Variants in KDM4B observed in about 807,000 individuals in gnomAD.
The protein encoded by KDM4B is lysine demethylase 4B, also known as lysine-specific demethylase 4B.
Under a neutral mutation model 125.2 loss-of-function variants are expected in KDM4B, and 32 were observed. The observed-to-expected ratio is 0.26, with a 90% CI of 0.19 to 0.34. The LOEUF (loss-of-function observed/expected upper bound fraction) is 0.34. KDM4B is among the 10% of genes least tolerant of loss of function. The probability of loss-of-function intolerance (pLI) is 1.00; values close to 1 mark genes in which losing one functional copy is unlikely to be tolerated. For synonymous variants in KDM4B, 721 were observed against 677.9 expected, an observed-to-expected ratio of 1.06 and a Z score of -0.99; for missense variants, 1,190 against 1,577.7, an observed-to-expected ratio of 0.75 and a Z score of 4.16.
intron 9 of KDM4B, among the ~76,000 whole-genome samples, chr19:5,083,991 A>G (rs2038387933): frequency 6.6e-6 from 1 of 152,174 alleles, no homozygotes; most frequent in Non-Finnish European, 1.5e-5. Context: ...TTATGCCTGT[A>G]ATCCTAGCAC....
chr19:5,025,291 C>T (rs1024548627), intron 2 of KDM4B, among the ~76,000 whole-genome samples: 1 of 152,258 alleles, frequency 6.6e-6, no homozygotes, highest in Non-Finnish European at 1.5e-5. Context: ...CCTGGTCTCC[C>T]AGCTTCCTCT....
At position 5,081,753 on chromosome 19, in the gene KDM4B, T is replaced by C. The variant is rs1599575977; in HGVS notation, c.781-614T>C. ...CCCTTGTTGAGATACAATTGAAAGA[T>C]GGCTTGGGATGGCGGCGTGTCGCAG... On this transcript the variant is annotated intron_variant, in intron 8 of 22. Transcript: ENST00000159111. This position sits in a 1 kb window ranked among gnomAD's most constrained non-coding sequence, Gnocchi z 4.2. Among the ~76,000 whole-genome samples, 1 of 152,192 alleles carries C rather than the reference T, an allele frequency of 6.6e-6. No homozygotes were observed. Among genetic ancestry groups the C allele is most frequent in the Non-Finnish European group, 1.5e-5 (1 of 68,020 alleles).
Position 5,082,266 on chromosome 19 carries a change from C to A in KDM4B, c.781-101C>A. On this transcript the variant is annotated intron_variant, in intron 8 of 22. Coordinates refer to ENST00000159111, the MANE Select transcript of KDM4B (RefSeq NM_015015.3). The surrounding 1 kb of genome is among the most constrained non-coding windows in gnomAD (Gnocchi z 5.4). ...TTGACTTTGTGAAACCCCCTTGGCT[C>A]ATAAGCCAGGCTCCCTGGCACTTGC... 1 of 1,445,664 alleles carries A rather than the reference C, an allele frequency of 6.9e-7. No individual in the cohort carries two copies. The highest frequency in any genetic ancestry group is 9.5e-7 in the Non-Finnish European group (1 of 1,056,242). The allele number at this position is 1,445,664 out of a possible 1,614,324, so 89.6% of individuals were successfully genotyped here.
chr19:5,058,543 G>A (rs1599525638), intron 6 of KDM4B, among the ~76,000 whole-genome samples: 1 of 152,198 alleles, frequency 6.6e-6, no homozygotes, highest in South Asian at 2.1e-4. Flanking sequence ...TGGAGTGGCT[G>A]TAGGAGCAGG....
intron 6 of KDM4B, among the ~76,000 whole-genome samples, chr19:5,053,934 T>A (rs979868428): frequency 1.3e-5 from 2 of 152,234 alleles, no homozygotes; most frequent in Non-Finnish European, 2.9e-5. Context: ...CTTCCCTGTT[T>A]GAGGAGCGTG....
At chr19:5,072,666 T>C (rs1215323069) in intron 7 of KDM4B, among the ~76,000 whole-genome samples, 1 of 152,232 alleles carries the variant, frequency 6.6e-6, no homozygotes, top group Non-Finnish European at 1.5e-5. Context: ...ATTCCCCATG[T>C]TGTATTAGCA....
chr19:5,147,335 C>G (rs1280865317), intron 21 of KDM4B, among the ~76,000 whole-genome samples: 2 of 152,228 alleles, frequency 1.3e-5, no homozygotes, highest in Non-Finnish European at 2.9e-5. Flanking sequence ...GACGCAGCCC[C>G]CACCCTGGTG....
At chr19:4,978,183 A>G (rs2034514688) in intron 1 of KDM4B, among the ~76,000 whole-genome samples, 1 of 152,064 alleles carries the variant, frequency 6.6e-6, no homozygotes, top group African/African-American at 2.4e-5. Flanking sequence ...GACGAGGCGG[A>G]GGAAGTCGTT....
intron 2 of KDM4B, among the ~76,000 whole-genome samples, chr19:5,017,500 T>G (rs994041352): frequency 3.3e-5 from 5 of 152,136 alleles, no homozygotes; most frequent in Non-Finnish European, 4.4e-5. Flanking sequence ...ACCATGCGCC[T>G]CCTCTTGTCC....
Position 5,081,919 on chromosome 19 carries a change from C to T in KDM4B, c.781-448C>T, listed in dbSNP as rs2038308481. Among the ~76,000 whole-genome samples the T allele has an allele frequency of 1.3e-5, 2 of 152,226 alleles. No individual in the cohort carries two copies. The highest frequency in any genetic ancestry group is 4.8e-5 in the African/African-American group (2 of 41,456). On this transcript the variant is annotated intron_variant, in intron 8 of 22. Transcript: ENST00000159111. The surrounding 1 kb of genome is among the most constrained non-coding windows in gnomAD (Gnocchi z 4.2). ...GCACCACCCGCCCCGAAACCAGCCC[C>T]AGCTGCTTCAGGACATGTCACAGTG...
At chr19:5,073,079 G>C (rs1198393501) in intron 7 of KDM4B, among the ~76,000 whole-genome samples, 2 of 152,174 alleles carry the variant, frequency 1.3e-5, no homozygotes, top group Admixed American at 6.5e-5. Context: ...GGATAGCCAG[G>C]GTGCTCCCCC....
rs1414724732 is a variant in KDM4B, at chr19:5,082,929, G to T, written c.918+425G>T. On this transcript the variant is annotated intron_variant, in intron 9 of 22. Coordinates refer to ENST00000159111, the MANE Select transcript of KDM4B (RefSeq NM_015015.3). The surrounding 1 kb of genome is among the most constrained non-coding windows in gnomAD (Gnocchi z 5.4). ...GGTTGTTTGCTGACATCTCTCTCCT[G>T]GGGGCCGCTTGGCCAGGCAGGAGCC... is the stretch of plus-strand genomic sequence containing the variant. Among the ~76,000 whole-genome samples the T allele has an allele frequency of 6.6e-6, 1 of 152,134 alleles. No individual in the cohort carries two copies. The highest frequency in any genetic ancestry group is 6.5e-5 in the Admixed American group (1 of 15,278).
In KDM4B at chr19:5,052,973, C is replaced by T. The variant is rs145460175; in HGVS notation, c.626+5304C>T. On this transcript the variant is annotated intron_variant, in intron 6 of 22. Coordinates refer to ENST00000159111, the MANE Select transcript of KDM4B (RefSeq NM_015015.3). ...CAGTGACCTGGGGCATTCCTCCCAG[C>T]CGCTTTGCTCTGGCTGGGCCACCAG... Among the ~76,000 whole-genome samples, 1,081 of 152,360 alleles carry T rather than the reference C, an allele frequency of 7.1e-3. 10 individuals are homozygous for T. Among genetic ancestry groups the T allele is most frequent in the African/African-American group, 0.025 (1,035 of 41,594 alleles).
At chr19:5,131,642 A>AGGCAGGGAGGAG (rs2039556440) in intron 12 of KDM4B, 97 bp downstream of exon 12, 10 of 107,074 alleles carry the variant, frequency 9.3e-5, no homozygotes, top group African/African-American at 6.4e-4. Flanking sequence ...GTGGCGGGGG[A>AGGCAGGGAGGAG]GGGGGCAGGG....
chr19:5,023,065 A>G (rs985699338), intron 2 of KDM4B, among the ~76,000 whole-genome samples: 1 of 152,028 alleles, frequency 6.6e-6, no homozygotes, highest in Non-Finnish European at 1.5e-5. Flanking sequence ...AAGGACCCTG[A>G]GCTGGGAGAT....
chr19:5,108,119 C>T (rs563544483), intron 9 of KDM4B, among the ~76,000 whole-genome samples: 1 of 152,346 alleles, frequency 6.6e-6, no homozygotes, highest in South Asian at 2.1e-4. Flanking sequence ...CAGTGCACTC[C>T]GTGGAGCGTG....
intron 10 of KDM4B, chr19:5,111,316 G>A: frequency 1.4e-6 from 1 of 732,896 alleles, no homozygotes; most frequent in East Asian, 2.4e-5. Context: ...TGAGATCGTG[G>A]AGAGGATTTC....
intron 18 of KDM4B, among the ~76,000 whole-genome samples, chr19:5,143,497 C>A (rs7359949): frequency 0.21 from 32,047 of 152,018 alleles, 3,503 homozygotes; most frequent in South Asian, 0.26. Context: ...GCCCACGAGC[C>A]CACTTCCTGT....
Position 5,151,704 on chromosome 19 carries a change from G to C in KDM4B, c.*193G>C. On this transcript the variant is annotated 3_prime_UTR_variant, in exon 23 of 23. Transcript: ENST00000159111. ...CCCCAGACTCAGGGAGCAGGGCCAG[G>C]CGGGCTCGGGGGCCGGCCAGGGGAG... 1 of 427,860 alleles carries C rather than the reference G, an allele frequency of 2.3e-6. No homozygotes were observed. The highest frequency in any genetic ancestry group is 1.2e-4 in the South Asian group (1 of 8,510). The allele number at this position is 427,860 out of a possible 1,614,324, so 26.5% of individuals were successfully genotyped here. A position where few individuals can be genotyped will look rare whatever the true frequency, so the allele number is the denominator to read the frequency against.
Sources: gnomAD v4.1 joint callset for allele counts (sites outside exome capture counted in the v4.1 genomes callset) on GRCh38, gnomAD v4.1.1 for gene constraint, Gnocchi (gnomAD v3.1) non-coding constraint, MANE v1.5 for transcripts, NCBI Gene and HGNC (gene_info 2026-07-23, HGNC 2026-07-21) for gene names.